Variants in MPPED2 observed in about 807,000 individuals in gnomAD.
MPPED2 encodes the protein metallophosphoesterase domain containing 2, also known as metallophosphoesterase MPPED2.
Under a neutral mutation model 33.0 loss-of-function variants are expected in MPPED2, and 5 were observed. The ratio of observed to expected loss-of-function variants is 0.15; its 90% confidence interval spans 0.08 to 0.32. MPPED2 has a LOEUF of 0.32. Among genes scored for constraint, MPPED2 ranks in the 10% least tolerant of loss-of-function variants. The probability of loss-of-function intolerance (pLI) is 1.00; values close to 1 mark genes in which losing one functional copy is unlikely to be tolerated. For missense variants in MPPED2, 275 were observed against 372.1 expected, an observed-to-expected ratio of 0.74 and a Z score of 2.15; for synonymous variants, 136 against 141.9, an observed-to-expected ratio of 0.96 and a Z score of 0.29.
chr11:30,506,291 G>A (rs1043091053), intron 3 of MPPED2, among the ~76,000 whole-genome samples: 2 of 151,998 alleles, frequency 1.3e-5, no homozygotes, highest in South Asian at 2.1e-4. Context: ...CCCTCAGCCC[G>A]CCTCAGCCTC....
intron 5 of MPPED2, among the ~76,000 whole-genome samples, chr11:30,415,918 A>C (rs1948333004): frequency 6.6e-6 from 1 of 152,224 alleles, no homozygotes; most frequent in African/African-American, 2.4e-5. Flanking sequence ...AAATAGCCAA[A>C]GGGAAATCAT....
At chr11:30,436,111 A>C (rs185345640) in intron 4 of MPPED2, among the ~76,000 whole-genome samples, 9 of 145,010 alleles carry the variant, frequency 6.2e-5, no homozygotes, top group Admixed American at 4.2e-4. Flanking sequence ...CTGAGATAAG[A>C]GAGCTTAGTA....
intron 6 of MPPED2, among the ~76,000 whole-genome samples, chr11:30,389,766 G>A (rs577292799): frequency 7.5e-4 from 115 of 152,320 alleles, no homozygotes; most frequent in African/African-American, 2.6e-3. Flanking sequence ...GGCTGAGGCA[G>A]GTGTTAGCCT....
intron 4 of MPPED2, among the ~76,000 whole-genome samples, chr11:30,458,370 A>G (rs1950370231): frequency 6.6e-6 from 1 of 152,236 alleles, no homozygotes; most frequent in East Asian, 1.9e-4. Context: ...AACCATGTAT[A>G]TAATTGGAGT....
chr11:30,566,055 G>C (rs1956428035), intron 2 of MPPED2, among the ~76,000 whole-genome samples: 1 of 151,934 alleles, frequency 6.6e-6, no homozygotes, highest in African/African-American at 2.4e-5. Context: ...TCAGAGTACA[G>C]AATAAAAACT....
At chr11:30,397,356 C>T (rs481770) in intron 6 of MPPED2, among the ~76,000 whole-genome samples, 1 of 152,014 alleles carries the variant, frequency 6.6e-6, no homozygotes, top group South Asian at 2.1e-4. Flanking sequence ...ATGGAGTACA[C>T]AGGTGGTAAG....
intron 2 of MPPED2, among the ~76,000 whole-genome samples, chr11:30,578,575 A>G (rs1279178203): frequency 6.6e-6 from 1 of 152,220 alleles, no homozygotes; most frequent in Non-Finnish European, 1.5e-5. Context: ...AGAACAAGTG[A>G]GCAGATGTCT....
chr11:30,432,902 G>A (rs1052441028), intron 4 of MPPED2, among the ~76,000 whole-genome samples: 2 of 152,288 alleles, frequency 1.3e-5, no homozygotes, highest in East Asian at 3.9e-4. Context: ...GTCCCCAGGA[G>A]CCAAGCTAAC....
chr11:30,410,248 G>A lies in MPPED2; in HGVS notation c.*1220C>T, dbSNP rs1446136209. ...ATTTAAAAATCTTGCAATTTTATTT[G>A]CATATAAAGGCCGCTAGATATAGAA... On this transcript the variant is annotated 3_prime_UTR_variant, in exon 7 of 7. Coordinates refer to ENST00000358117, the MANE Select transcript of MPPED2 (RefSeq NM_001584.3). 2.3e-5 allele frequency: 23 copies of A among 985,532 alleles called. No homozygotes were observed. The highest frequency in any genetic ancestry group is 2.3e-5 in the Non-Finnish European group (19 of 829,884). The allele number at this position is 985,532 out of a possible 1,614,324, so 61.0% of individuals were successfully genotyped here.
At chr11:30,389,067 A>G in intron 6 of MPPED2, 1 of 1,402,180 alleles carries the variant, frequency 7.1e-7, no homozygotes, top group Non-Finnish European at 9.3e-7. Context: ...ATTCTCATAA[A>G]CAACCCCTCA....
intron 3 of MPPED2, among the ~76,000 whole-genome samples, chr11:30,511,920 C>T (rs562545092): frequency 2.0e-4 from 30 of 152,258 alleles, no homozygotes; most frequent in Admixed American, 1.1e-3. Context: ...ATACTCTGAA[C>T]GTCAATTACT....
chr11:30,464,728 A>G (rs980303848), intron 4 of MPPED2, among the ~76,000 whole-genome samples: 1 of 152,206 alleles, frequency 6.6e-6, no homozygotes, highest in African/African-American at 2.4e-5. Flanking sequence ...TCTCTAATCA[A>G]TTCACTTTTA....
intron 3 of MPPED2, among the ~76,000 whole-genome samples, chr11:30,527,550 G>T (rs541065712): frequency 1.3e-5 from 2 of 152,068 alleles, no homozygotes; most frequent in Non-Finnish European, 2.9e-5. Context: ...CAGGAAATGG[G>T]GAAGAGGGAA....
intron 2 of MPPED2, among the ~76,000 whole-genome samples, chr11:30,576,462 A>C (rs2134872521): frequency 6.6e-6 from 1 of 152,286 alleles, no homozygotes; most frequent in South Asian, 2.1e-4. Context: ...AACATGAAGA[A>C]TTAACCTGAG....
At chr11:30,555,951 G>A (rs752982829) in intron 2 of MPPED2, among the ~76,000 whole-genome samples, 2 of 151,944 alleles carry the variant, frequency 1.3e-5, no homozygotes, top group Non-Finnish European at 2.9e-5. Context: ...TCTTCCACAG[G>A]CCAAAGATTC....
At chr11:30,388,281 G>C (rs1306779579) in exon 7 of MPPED2, 2 of 152,352 alleles carry the variant, frequency 1.3e-5, no homozygotes, top group Non-Finnish European at 2.9e-5. Flanking sequence ...GGCACCTGCT[G>C]TGTCACTCAG....
At position 30,414,254 on chromosome 11, in the gene MPPED2, A is replaced by C; in HGVS notation, c.740T>G (p.Leu247Arg). 1 of 1,613,596 alleles carries C rather than the reference A, an allele frequency of 6.2e-7. No homozygotes were observed. Among genetic ancestry groups the C allele is most frequent in the Non-Finnish European group, 8.5e-7 (1 of 1,179,562 alleles). Reference protein sequence around the residue: ...NTVQRRVRPKLHVFGGIHEGY... With the variant: ...NTVQRRVRPKRHVFGGIHEGY... Reference sequence around the variant, plus strand: ...TTCATGGATTCCACCAAACACATGGAGCTTGGGCCGGACTCGCCTCTGAAC... The same window carrying C: ...TTCATGGATTCCACCAAACACATGGCGCTTGGGCCGGACTCGCCTCTGAAC... The change falls in exon 6 of 7, where the codon CTC (leucine) becomes CGC (arginine). Residue 247 changes from leucine (L) to arginine (R), a missense_variant. Physicochemically the swap from Leu to Arg is moderately radical, Grantham distance 102 (BLOSUM62 -2). Coordinates refer to ENST00000358117, the MANE Select transcript of MPPED2 (RefSeq NM_001584.3).
chr11:30,533,805 T>C (rs900190666), intron 3 of MPPED2, among the ~76,000 whole-genome samples: 19 of 152,224 alleles, frequency 1.2e-4, no homozygotes, highest in African/African-American at 3.9e-4. Flanking sequence ...GCACTGACCA[T>C]GCAGCTGTGC....
At chr11:30,446,377 T>C (rs551396910) in intron 4 of MPPED2, among the ~76,000 whole-genome samples, 8 of 152,354 alleles carry the variant, frequency 5.3e-5, no homozygotes, top group Admixed American at 5.2e-4. Context: ...TCACTGAAAT[T>C]ATTTTTCTTT....
Sources: gnomAD v4.1 joint callset for allele counts (sites outside exome capture counted in the v4.1 genomes callset) on GRCh38, gnomAD v4.1.1 for gene constraint, MANE v1.5 for transcripts, NCBI Gene and HGNC (gene_info 2026-07-23, HGNC 2026-07-21) for gene names.